Variants in SHTN1 observed in about 807,000 individuals in gnomAD.
SHTN1 encodes the protein shootin-1.
Under a neutral mutation model 83.1 loss-of-function variants are expected in SHTN1, and 42 were observed. That is an observed-to-expected ratio of 0.51 (90% CI 0.39 to 0.65). The LOEUF (loss-of-function observed/expected upper bound fraction) is 0.65. Among genes scored for constraint, SHTN1 ranks in the 30% least tolerant of loss-of-function variants. The probability of loss-of-function intolerance (pLI) is 0.00; values close to 1 mark genes in which losing one functional copy is unlikely to be tolerated. For missense variants in SHTN1, 622 were observed against 737.8 expected, an observed-to-expected ratio of 0.84 and a Z score of 1.82; for synonymous variants, 224 against 247.7, an observed-to-expected ratio of 0.90 and a Z score of 0.90.
At chr10:116,994,400 G>A (rs556768881) in intron 1 of SHTN1, among the ~76,000 whole-genome samples, 4 of 152,162 alleles carry the variant, frequency 2.6e-5, no homozygotes, top group African/African-American at 7.2e-5. Flanking sequence ...GATATCTAAA[G>A]TATACTGATA....
At chr10:116,984,388 T>A (rs1851154390) in intron 1 of SHTN1, among the ~76,000 whole-genome samples, 1 of 152,174 alleles carries the variant, frequency 6.6e-6, no homozygotes, top group Non-Finnish European at 1.5e-5. Flanking sequence ...ACAGAACATT[T>A]CCAACAGAAC....
chr10:116,939,904 C>A (rs1219336930), intron 9 of SHTN1, among the ~76,000 whole-genome samples: 2 of 152,182 alleles, frequency 1.3e-5, no homozygotes, highest in African/African-American at 4.8e-5. Context: ...ATCCTTTCTT[C>A]TTGGCACACA....
rs566760205 is a variant in SHTN1, at chr10:117,084,882, G to A, written c.-188-36372C>T. On this transcript the variant is annotated intron_variant, in intron 1 of 17. Transcript: ENST00000392901. ...CGCTTCCCGAGTGAGGCAATGCCTCGCCCTGCTTCGGCTCGCGCACGGTGC... is the reference window on the plus strand; with the variant it reads ...CGCTTCCCGAGTGAGGCAATGCCTCACCCTGCTTCGGCTCGCGCACGGTGC... 2.3e-4 allele frequency among the ~76,000 whole-genome samples: 35 copies of A among 152,214 alleles called. No individual in the cohort carries two copies. The East Asian group carries it at 3.5e-3, about 15-fold the overall frequency.
chr10:116,940,508 G>T lies in SHTN1; in HGVS notation c.816C>A (p.Leu272=), dbSNP rs777751201. The T allele has an allele frequency of 3.7e-6, 6 of 1,613,924 alleles. No individual in the cohort carries two copies. The African/African-American group carries it at 8.0e-5, about 22-fold the overall frequency. ...LLKALDENAK[L]TQQLEEERIQ... is the part of the protein sequence containing the mutation. ...TTCTCTCTTCTTCAAGTTGCTGGGT[G>T]AGTTTTGCATTTTCGTCTAAAGCTT... Residue 272 remains leucine (L), a synonymous_variant, in exon 9 of 17, where the codon CTC becomes CTA. Coordinates refer to ENST00000355371, the MANE Select transcript of SHTN1 (RefSeq NM_001127211.3).
intron 12 of SHTN1, among the ~76,000 whole-genome samples, 153 bp from the exon 13 acceptor site, chr10:116,915,637 A>T (rs190212279): frequency 7.4e-4 from 113 of 152,348 alleles, no homozygotes; most frequent in Non-Finnish European, 1.4e-3. Context: ...GTTAACAGCT[A>T]TCAGGTAGCA....
intron 10 of SHTN1, 100 bp from the exon 11 acceptor site, chr10:116,927,991 C>G (rs1054468428): frequency 7.1e-7 from 1 of 1,411,190 alleles, no homozygotes; most frequent in Admixed American, 2.2e-5. Context: ...AAAGTAAGTT[C>G]TTTTTATTAA....
At chr10:117,047,016 A>G (rs1252992699) in intron 2 of SHTN1, among the ~76,000 whole-genome samples, 3 of 152,138 alleles carry the variant, frequency 2.0e-5, no homozygotes, top group Admixed American at 1.3e-4. Context: ...AAAAGAGAAA[A>G]AATGAAAAAA....
At chr10:116,924,746 ATTTT>A (rs201343735) in intron 11 of SHTN1, among the ~76,000 whole-genome samples, 63 of 89,532 alleles carry the variant, frequency 7.0e-4, no homozygotes, top group South Asian at 2.2e-3. Context: ...ATTTTCACCT[ATTTT>A]TTTTTTTTTT....
chr10:116,940,932 C>G (rs1421728178), intron 8 of SHTN1, among the ~76,000 whole-genome samples: 1 of 152,092 alleles, frequency 6.6e-6, no homozygotes, highest in African/African-American at 2.4e-5. Context: ...CTTGTGTACT[C>G]CACTAAATAT....
At chr10:116,930,055 T>C in intron 9 of SHTN1, 53 bp from the exon 10 acceptor site, 2 of 1,264,160 alleles carry the variant, frequency 1.6e-6, no homozygotes, top group Non-Finnish European at 2.2e-6. Context: ...TTTTCCTTTG[T>C]CAAAGAAAAG....
In SHTN1 at chr10:117,120,912, C is replaced by T. The variant is rs369138084; in HGVS notation, c.-189+5395G>A. ...GAAACCTCCACCTCCCAGGTTCAAG[C>T]GATTCTCCTGCCTCAGCCTCCCTAG... On this transcript the variant is annotated intron_variant, in intron 1 of 17. Coordinates refer to the SHTN1 transcript ENST00000392901. 2.0e-4 allele frequency among the ~76,000 whole-genome samples: 30 copies of T among 151,758 alleles called. No individual in the cohort carries two copies. The East Asian group carries it at 4.9e-3, about 25-fold the overall frequency.
At chr10:117,052,289 A>T (rs1852756804) in intron 1 of SHTN1, among the ~76,000 whole-genome samples, 1 of 151,962 alleles carries the variant, frequency 6.6e-6, no homozygotes, top group Admixed American at 6.6e-5. Context: ...AACCTAAATA[A>T]ATGAGAAGAC....
intron 6 of SHTN1, among the ~76,000 whole-genome samples, chr10:116,949,251 A>G (rs903913133): frequency 6.6e-6 from 1 of 152,180 alleles, no homozygotes; most frequent in Non-Finnish European, 1.5e-5. Context: ...TAAACATAAC[A>G]GTATGCTAGC....
chr10:116,911,232 T>C (rs1848178359), intron 14 of SHTN1, among the ~76,000 whole-genome samples: 1 of 152,026 alleles, frequency 6.6e-6, no homozygotes, highest in African/African-American at 2.4e-5. Flanking sequence ...AAAATATGAC[T>C]AGGAAGGGAC....
chr10:117,076,935 A>G (rs1287852920), intron 1 of SHTN1, among the ~76,000 whole-genome samples: 1 of 152,190 alleles, frequency 6.6e-6, no homozygotes, highest in East Asian at 1.9e-4. Flanking sequence ...ATAAAAGTTC[A>G]TTAGTGTTGC....
chr10:116,897,305 T>C (rs1019752776), intron 16 of SHTN1, among the ~76,000 whole-genome samples: 15 of 152,336 alleles, frequency 9.8e-5, no homozygotes, highest in African/African-American at 3.4e-4. Context: ...TGTTTTTCTA[T>C]AAAAACTACA....
At position 116,952,020 on chromosome 10, in the gene SHTN1, G is replaced by GA. The variant is rs147897295; in HGVS notation, c.437-15dup. ...GATCTCGAAGTTCTGCATTTTTAAA[G>GA]AAAAAAAATATATAAATAAACTTAT... is the stretch of plus-strand genomic sequence containing the variant. On this transcript the variant is annotated splice_polypyrimidine_tract_variant and intron_variant, in intron 5 of 16. Transcript: ENST00000355371. 117,609 of 1,314,172 alleles carry GA rather than the reference G, an allele frequency of 0.089. 6,021 individuals carry two copies. Among genetic ancestry groups the GA allele is most frequent in the Admixed American group, 0.13 (5,760 of 42,880 alleles). 81.4% of individuals were successfully genotyped at this position (1,314,172 alleles called of 1,614,324 possible). A position where few individuals can be genotyped will look rare whatever the true frequency, so the allele number is the denominator to read the frequency against.
At chr10:116,948,495 C>T (rs1322021477) in intron 7 of SHTN1, among the ~76,000 whole-genome samples, 12 of 152,100 alleles carry the variant, frequency 7.9e-5, no homozygotes, top group Admixed American at 7.9e-4. Context: ...TTCCTTTATC[C>T]CTTTTTCCAC....
chr10:117,103,465 G>A (rs1025010764), intron 1 of SHTN1, among the ~76,000 whole-genome samples: 3 of 151,010 alleles, frequency 2.0e-5, no homozygotes, highest in East Asian at 3.9e-4. Context: ...TTTCCTTAGC[G>A]GTTATGGGTC....
Sources: gnomAD v4.1 joint callset for allele counts (sites outside exome capture counted in the v4.1 genomes callset) on GRCh38, gnomAD v4.1.1 for gene constraint, MANE v1.5 for transcripts, NCBI Gene and HGNC (gene_info 2026-07-23, HGNC 2026-07-21) for gene names.